The following WWOX variants were observed in gnomAD, a reference collection of about 807,000 sequenced individuals.
WWOX encodes WW domain-containing oxidoreductase.
A neutral mutation model predicts 46.2 loss-of-function variants in WWOX; 69 were observed. That is an observed-to-expected ratio of 1.49 (90% CI 1.23 to 1.82). The LOEUF (loss-of-function observed/expected upper bound fraction) is 1.82, where lower values mean the gene tolerates loss of function less well. WWOX is among the 40% of genes most tolerant of loss of function. The pLI is 0.00. For synonymous variants in WWOX, 359 were observed against 202.6 expected (o/e 1.77, Z -6.56); for missense variants, 919 against 542.6 (o/e 1.69, Z -6.89).
At chr16:78,477,316 A>C (rs1016107096) in intron 8 of WWOX, among the ~76,000 whole-genome samples, 1 of 152,136 alleles carries the variant, frequency 6.6e-6, no homozygotes, top group Non-Finnish European at 1.5e-5. Flanking sequence ...GCATATAAAA[A>C]CCTAGCAAAC....
chr16:78,508,703 C>T (rs1234310570), intron 8 of WWOX, among the ~76,000 whole-genome samples: 2 of 152,182 alleles, frequency 1.3e-5, no homozygotes, highest in African/African-American at 4.8e-5. Flanking sequence ...CGCTGGTGGT[C>T]ATGGAGAAAG....
At chr16:79,048,399 T>C (rs1243137020) in intron 8 of WWOX, among the ~76,000 whole-genome samples, 5 of 152,080 alleles carry the variant, frequency 3.3e-5, no homozygotes, top group Non-Finnish European at 7.4e-5. Flanking sequence ...TTCTGCTTGG[T>C]TCAGCAGCAA....
At chr16:78,597,429 G>A in intron 8 of WWOX, among the ~76,000 whole-genome samples, 1 of 152,126 alleles carries the variant, frequency 6.6e-6, no homozygotes, top group Non-Finnish European at 1.5e-5. Context: ...CCGCATCAGT[G>A]GGCGTTTTAT....
intron 8 of WWOX, chr16:78,873,391 T>G (rs990652987): frequency 1.3e-5 from 2 of 152,222 alleles, no homozygotes; most frequent in African/African-American, 4.8e-5. Context: ...TTTTTTTTCT[T>G]TTAAATAGCA....
intron 8 of WWOX, among the ~76,000 whole-genome samples, chr16:78,689,084 T>A (rs1597447916): frequency 6.6e-6 from 1 of 152,178 alleles, no homozygotes; most frequent in African/African-American, 2.4e-5. Flanking sequence ...CATATGTCTT[T>A]ATTAGTGGCA....
chr16:78,171,828 G>T (rs1041638120), intron 5 of WWOX, among the ~76,000 whole-genome samples: 1 of 152,140 alleles, frequency 6.6e-6, no homozygotes, highest in Non-Finnish European at 1.5e-5. Context: ...GTCAATAAGC[G>T]CATGCTCACA....
chr16:78,595,147 C>T (rs1466606516), intron 8 of WWOX, among the ~76,000 whole-genome samples: 11 of 152,188 alleles, frequency 7.2e-5, no homozygotes, highest in Non-Finnish European at 4.4e-5. Context: ...CAAAAGCAAC[C>T]TCTGAGGATG....
chr16:78,638,526 C>T (rs553309660), intron 8 of WWOX, among the ~76,000 whole-genome samples: 13 of 152,250 alleles, frequency 8.5e-5, no homozygotes, highest in Admixed American at 2.6e-4. Context: ...TTTTGTCTGG[C>T]CTGTACCTGC....
chr16:78,410,805 C>CAAAAAAAA (rs61207788), intron 6 of WWOX, among the ~76,000 whole-genome samples: 1 of 75,008 alleles, frequency 1.3e-5, no homozygotes, highest in Non-Finnish European at 3.3e-5. Flanking sequence ...GGCCCCACCT[C>CAAAAAAAA]AAAAAAAAAA....
At chr16:78,154,416 C>T (rs552710641) in intron 4 of WWOX, among the ~76,000 whole-genome samples, 2 of 151,148 alleles carry the variant, frequency 1.3e-5, no homozygotes, top group African/African-American at 4.8e-5. Context: ...TTTTCGCTTG[C>T]TTCATGGAGC....
chr16:78,436,424 T>C (rs1030493110), intron 8 of WWOX, among the ~76,000 whole-genome samples: 6 of 152,110 alleles, frequency 3.9e-5, no homozygotes, highest in Non-Finnish European at 7.4e-5. Context: ...GATTAGAAAA[T>C]AGCAGCTTTT....
intron 8 of WWOX, among the ~76,000 whole-genome samples, chr16:78,481,642 A>AG (rs2084488823): frequency 7.2e-6 from 1 of 138,212 alleles, no homozygotes; most frequent in Non-Finnish European, 1.5e-5. Context: ...TGTGAAAAAA[A>AG]AAAAGAATGT....
chr16:79,004,202 C>T (rs996427616), intron 8 of WWOX: 3 of 152,164 alleles, frequency 2.0e-5, no homozygotes, highest in African/African-American at 7.2e-5. Flanking sequence ...CCTGTTGAGT[C>T]CCTGTGCACC....
intron 8 of WWOX, among the ~76,000 whole-genome samples, chr16:78,644,860 G>A (rs1328739976): frequency 1.3e-5 from 2 of 152,200 alleles, no homozygotes; most frequent in Admixed American, 1.3e-4. Flanking sequence ...GCATGTAGAA[G>A]AGGATAGATG....
At chr16:78,800,116 T>A (rs1210132663) in intron 8 of WWOX, among the ~76,000 whole-genome samples, 1 of 152,178 alleles carries the variant, frequency 6.6e-6, no homozygotes, top group African/African-American at 2.4e-5. Flanking sequence ...TTCATAAATT[T>A]TATCTTTGCA....
intron 8 of WWOX, among the ~76,000 whole-genome samples, chr16:78,843,895 C>G (rs910356635): frequency 6.6e-6 from 1 of 152,116 alleles, no homozygotes; most frequent in African/African-American, 2.4e-5. Context: ...TCCTTGGTAG[C>G]GTTTCAGCTG....
intron 8 of WWOX, among the ~76,000 whole-genome samples, chr16:78,471,398 T>C (rs2084216579): frequency 6.6e-6 from 1 of 152,224 alleles, no homozygotes; most frequent in African/African-American, 2.4e-5. Flanking sequence ...CAAATGCTAA[T>C]TAAGTTTTGC....
At chr16:78,849,197 C>T (rs1006571432) in intron 8 of WWOX, among the ~76,000 whole-genome samples, 1 of 152,184 alleles carries the variant, frequency 6.6e-6, no homozygotes, top group African/African-American at 2.4e-5. Flanking sequence ...CAATGTAAGT[C>T]TCTGGGAGCA....
At chr16:78,565,367 G>A (rs776571897) in intron 8 of WWOX, among the ~76,000 whole-genome samples, 2 of 152,176 alleles carry the variant, frequency 1.3e-5, no homozygotes, top group African/African-American at 4.8e-5. Flanking sequence ...GGGAGAATCT[G>A]TTTCCTTGCG....
Sources: allele counts gnomAD v4.1 joint callset (sites outside exome capture counted in the v4.1 genomes callset), GRCh38; gene constraint gnomAD v4.1.1; transcripts MANE v1.5; gene names NCBI Gene and HGNC (gene_info 2026-07-23, HGNC 2026-07-21).